The following GRM8 variants were observed in gnomAD, a reference collection of about 807,000 sequenced individuals.
GRM8 encodes glutamate metabotropic receptor 8, also known as metabotropic glutamate receptor 8.
Under a neutral mutation model 87.2 loss-of-function variants are expected in GRM8, and 47 were observed. That is an observed-to-expected ratio of 0.54 (90% CI 0.43 to 0.69). The LOEUF is 0.69. Among genes scored for constraint, GRM8 ranks in the 30% least tolerant of loss-of-function variants. The probability of loss-of-function intolerance (pLI) is 0.00; values close to 1 mark genes in which losing one functional copy is unlikely to be tolerated. For synonymous variants in GRM8, 396 were observed against 404.5 expected (o/e 0.98, Z 0.25); for missense variants, 1,019 against 1,139.2 (o/e 0.89, Z 1.52).
chr7:127,238,584 C>T (rs1344916091), intron 2 of GRM8, among the ~76,000 whole-genome samples: 1 of 152,166 alleles, frequency 6.6e-6, no homozygotes, highest in African/African-American at 2.4e-5. Flanking sequence ...GTATGAACCC[C>T]ACCGTACACT....
intron 2 of GRM8, among the ~76,000 whole-genome samples, chr7:127,126,224 C>G (rs1039173448): frequency 6.6e-6 from 1 of 152,000 alleles, no homozygotes; most frequent in African/African-American, 2.4e-5. Context: ...GATATGGATT[C>G]AACTTAAGTG....
chr7:127,098,461 GA>G (rs1407263118), intron 3 of GRM8, among the ~76,000 whole-genome samples: 2 of 151,994 alleles, frequency 1.3e-5, no homozygotes, highest in African/African-American at 4.8e-5. Context: ...TATAACCCAA[GA>G]GGGGAAAATG....
At chr7:127,056,265 A>T (rs972521919) in intron 3 of GRM8, among the ~76,000 whole-genome samples, 5 of 152,232 alleles carry the variant, frequency 3.3e-5, no homozygotes, top group Admixed American at 6.5e-5. Flanking sequence ...TAATATTATA[A>T]GTAAACTATT....
At chr7:126,791,340 T>C (rs771475946) in intron 6 of GRM8, among the ~76,000 whole-genome samples, 15 of 152,256 alleles carry the variant, frequency 9.9e-5, no homozygotes, top group Non-Finnish European at 1.8e-4. Flanking sequence ...ACAGACCTTC[T>C]TTCAGAGTTA....
intron 8 of GRM8, among the ~76,000 whole-genome samples, chr7:126,585,051 T>C (rs748310694): frequency 6.6e-6 from 1 of 152,330 alleles, no homozygotes; most frequent in African/African-American, 2.4e-5. Flanking sequence ...CACTGTGAAT[T>C]CTTAAACACT....
intron 3 of GRM8, among the ~76,000 whole-genome samples, chr7:127,102,340 A>T (rs1247709155): frequency 6.6e-6 from 1 of 152,214 alleles, no homozygotes; most frequent in Non-Finnish European, 1.5e-5. Context: ...TGCTAGAGAT[A>T]TTTGCATAAC....
At chr7:126,442,004 G>GA (rs35430032) in intron 10 of GRM8, among the ~76,000 whole-genome samples, 11 of 150,934 alleles carry the variant, frequency 7.3e-5, no homozygotes, top group South Asian at 2.1e-4. Flanking sequence ...CAAAATGCGT[G>GA]AAAAAAAAAA....
chr7:127,112,197 G>C (rs1478657533), intron 2 of GRM8: 1 of 152,042 alleles, frequency 6.6e-6, no homozygotes, highest in Non-Finnish European at 1.5e-5. Flanking sequence ...CTTCCTTTTT[G>C]TTTCACCTGC....
Position 127,001,995 on chromosome 7 carries a change from T to C in GRM8, c.728-97312A>G, listed in dbSNP as rs149288721. 8.4e-3 allele frequency among the ~76,000 whole-genome samples: 1,269 copies of C among 151,794 alleles called. 18 individuals carry two copies. Among genetic ancestry groups the C allele is most frequent in the African/African-American group, 0.028 (1,163 of 41,490 alleles). On this transcript the variant is annotated intron_variant, in intron 3 of 10. Coordinates refer to ENST00000339582, the MANE Select transcript of GRM8 (RefSeq NM_000845.3). ...CTCTAAAATAAGCAAAACTAATCTG[T>C]AATGACAGAGCACACATCATTGATT...
intron 3 of GRM8, among the ~76,000 whole-genome samples, chr7:126,982,242 C>T (rs1324123690): frequency 6.6e-6 from 1 of 152,212 alleles, no homozygotes; most frequent in Non-Finnish European, 1.5e-5. Context: ...ATGCTGGCAG[C>T]TGATTAGATG....
intron 3 of GRM8, among the ~76,000 whole-genome samples, chr7:127,029,187 T>C (rs1817108085): frequency 6.6e-6 from 1 of 152,216 alleles, no homozygotes; most frequent in Admixed American, 6.5e-5. Context: ...TTGATTGAAC[T>C]GCGGTCGGAC....
chr7:126,769,768 T>C, intron 7 of GRM8, 97 bp downstream of exon 7: 2 of 742,958 alleles, frequency 2.7e-6, no homozygotes, highest in Admixed American at 2.1e-5. Flanking sequence ...CTTCTAATCC[T>C]GTGTTTTCCA....
intron 8 of GRM8, among the ~76,000 whole-genome samples, chr7:126,586,767 T>C (rs1381467991): frequency 1.3e-5 from 2 of 152,144 alleles, no homozygotes; most frequent in African/African-American, 4.8e-5. Context: ...GACATAGGCA[T>C]GGGCAAGGAC....
intron 3 of GRM8, among the ~76,000 whole-genome samples, chr7:127,062,586 T>C (rs747845114): frequency 1.2e-4 from 18 of 152,210 alleles, no homozygotes; most frequent in Non-Finnish European, 2.4e-4. Context: ...ACTGTAGGAA[T>C]GGTTGGTACT....
At chr7:126,603,396 CAGG>C (rs1206889557) in intron 8 of GRM8, among the ~76,000 whole-genome samples, 3 of 150,402 alleles carry the variant, frequency 2.0e-5, no homozygotes, top group Non-Finnish European at 4.4e-5. Flanking sequence ...GGCAATTAGG[CAGG>C]AGAAGGAAAT....
At chr7:127,015,226 GAAGAAGAAGAAGAAGAAGAAGA>G in intron 3 of GRM8, among the ~76,000 whole-genome samples, 1 of 134,136 alleles carries the variant, frequency 7.5e-6, no homozygotes, top group Non-Finnish European at 1.6e-5. Flanking sequence ...AGAAGAAGAA[GAAGAAGAAGAAGAAGAAGAAGA>G]AGAAGAAGAA....
At chr7:126,543,198 T>C (rs896105987) in intron 8 of GRM8, among the ~76,000 whole-genome samples, 2 of 152,206 alleles carry the variant, frequency 1.3e-5, no homozygotes, top group Admixed American at 6.5e-5. Context: ...TATGTATTTG[T>C]TTGATTTTAT....
chr7:126,794,552 T>C (rs1821752350), intron 6 of GRM8, among the ~76,000 whole-genome samples: 1 of 152,176 alleles, frequency 6.6e-6, no homozygotes, highest in Non-Finnish European at 1.5e-5. Flanking sequence ...CAATATCATT[T>C]ATTCTAATAT....
chr7:126,638,733 T>C lies in GRM8; in HGVS notation c.1358-29235A>G, dbSNP rs575433211. On this transcript the variant is annotated intron_variant, in intron 7 of 10. Coordinates refer to ENST00000339582, the MANE Select transcript of GRM8 (RefSeq NM_000845.3). The stretch of plus-strand genomic sequence containing the variant: ...AACTTAGTCTATCTTGCTTCTTAGG[T>C]GTATTTATAGAAGGTAGGGCACTAC... 2.6e-5 allele frequency among the ~76,000 whole-genome samples: 4 copies of C among 152,208 alleles called. No homozygotes were observed. In the East Asian group the frequency reaches 5.8e-4, roughly 22 times the overall value.
Sources: allele counts gnomAD v4.1 joint callset (sites outside exome capture counted in the v4.1 genomes callset), GRCh38; gene constraint gnomAD v4.1.1; transcripts MANE v1.5; gene names NCBI Gene and HGNC (gene_info 2026-07-23, HGNC 2026-07-21).